Variants in XRCC5 observed in about 807,000 individuals in gnomAD.
XRCC5 encodes X-ray repair cross complementing 5.
XRCC5 carries 12 observed loss-of-function variants against 95.7 expected under a neutral mutation model. That is an observed-to-expected ratio of 0.13 (90% CI 0.08 to 0.20). XRCC5 has a LOEUF of 0.20. XRCC5 is among the 10% of genes least tolerant of loss of function. The pLI is 1.00. For synonymous variants in XRCC5, 281 were observed against 290.3 expected (o/e 0.97, Z 0.33); for missense variants, 595 against 873.9 (o/e 0.68, Z 4.02).
intron 12 of XRCC5, among the ~76,000 whole-genome samples, chr2:216,138,525 G>GAC (rs1697124723): frequency 1.3e-5 from 2 of 152,202 alleles, no homozygotes; most frequent in Non-Finnish European, 2.9e-5. Context: ...AGTGTTCTGT[G>GAC]TAAAGTCTGA....
intron 4 of XRCC5, 103 bp from the exon 5 acceptor site, chr2:216,118,940 A>G: frequency 1.6e-6 from 2 of 1,214,104 alleles, no homozygotes; most frequent in Admixed American, 2.0e-5. Context: ...TATTAACTCT[A>G]GATCCATTTC....
chr2:216,160,918 TC>T (rs1385379930), intron 15 of XRCC5, among the ~76,000 whole-genome samples: 1 of 152,036 alleles, frequency 6.6e-6, no homozygotes, highest in Non-Finnish European at 1.5e-5. Context: ...AGTATGTTAC[TC>T]CTGGGCTCAA....
At chr2:216,117,421 C>T (rs1009897457) in intron 3 of XRCC5, 3 of 299,550 alleles carry the variant, frequency 1.0e-5, no homozygotes, top group East Asian at 6.1e-5. Flanking sequence ...CATTATGGTT[C>T]GCTTCATATT....
At chr2:216,187,634 C>T (rs1689521289) in intron 16 of XRCC5, among the ~76,000 whole-genome samples, 1 of 151,802 alleles carries the variant, frequency 6.6e-6, no homozygotes. Flanking sequence ...CATGGGCTCC[C>T]AGCTCTTAGG....
At position 216,162,055 on chromosome 2, in the gene XRCC5, G is replaced by A. The variant is rs1559252239; in HGVS notation, c.1834+7G>A. 6.2e-7 allele frequency: 1 copy of A among 1,613,506 alleles called. No homozygotes were observed. Among genetic ancestry groups the A allele is most frequent in the South Asian group, 1.1e-5 (1 of 91,048 alleles). ...AAGGCCAGCTTTGAGGAAGGTGAGT[G>A]GTTGACTTTGCATTTAGGAGAAGCT... On this transcript the variant is annotated splice_region_variant and intron_variant, in intron 16 of 20. Transcript: ENST00000392132.
intron 13 of XRCC5, among the ~76,000 whole-genome samples, chr2:216,146,636 C>G (rs1688640999): frequency 6.6e-6 from 1 of 152,178 alleles, no homozygotes; most frequent in African/African-American, 2.4e-5. Context: ...TTAATGACAT[C>G]TAATCTTACT....
chr2:216,116,860 G>GA lies in XRCC5; in HGVS notation c.319+19dup, dbSNP rs772231462. 1.3e-5 allele frequency: 21 copies of GA among 1,609,884 alleles called. No homozygotes were observed. The highest frequency in any genetic ancestry group is 1.7e-5 in the Non-Finnish European group (20 of 1,177,206). On this transcript the variant is annotated intron_variant, in intron 3 of 20. Coordinates refer to ENST00000392132, the MANE Select transcript of XRCC5 (RefSeq NM_021141.4). Reference sequence around the variant, plus strand: ...GGCTGACTGTATCCTTTTTCTGCCAGAGAAGACTTTAAGAAATTTCCTTTA... The same window carrying GA: ...GGCTGACTGTATCCTTTTTCTGCCAGAAGAAGACTTTAAGAAATTTCCTTTA...
At chr2:216,147,966 A>C (rs1404530051) in intron 13 of XRCC5, 117 bp from the exon 14 acceptor site, 2 of 1,089,132 alleles carry the variant, frequency 1.8e-6, no homozygotes, top group Non-Finnish European at 2.7e-6. Context: ...TGTTTTTTAC[A>C]TGTGGTATGA....
At chr2:216,127,288 T>C (rs2106006959) in intron 7 of XRCC5, among the ~76,000 whole-genome samples, 1 of 152,288 alleles carries the variant, frequency 6.6e-6, no homozygotes, top group East Asian at 1.9e-4. Context: ...TGAGGTTTTG[T>C]ATAGAAAGTG....
At position 216,170,489 on chromosome 2, in the gene XRCC5, GGAGA is replaced by G. The variant is rs10585319; in HGVS notation, c.1834+8458_1834+8461del. On this transcript the variant is annotated intron_variant, in intron 16 of 20. Coordinates refer to ENST00000392132, the MANE Select transcript of XRCC5 (RefSeq NM_021141.4). ...ACTCCTGATACCAGTCTTCTATGAA[GGAGA>G]GAGAGAGAGAGAGAGACACTTTTAA... is the stretch of plus-strand genomic sequence containing the variant. 1.5e-4 allele frequency among the ~76,000 whole-genome samples: 23 copies of G among 150,518 alleles called. No homozygotes were observed. The East Asian group carries it at 2.5e-3, about 17-fold the overall frequency.
chr2:216,134,426 T>C (rs907730115), intron 10 of XRCC5, among the ~76,000 whole-genome samples: 1 of 151,378 alleles, frequency 6.6e-6, no homozygotes, highest in African/African-American at 2.4e-5. Flanking sequence ...CTTGTTTTTT[T>C]TTTTGTTTTT....
intron 16 of XRCC5, among the ~76,000 whole-genome samples, chr2:216,187,915 C>A (rs1245521556): frequency 6.7e-6 from 1 of 149,738 alleles, no homozygotes; most frequent in Non-Finnish European, 1.5e-5. Context: ...TTCTTAGCCT[C>A]CTTCTTCAGC....
chr2:216,115,547 T>G (rs1405048042), intron 2 of XRCC5, among the ~76,000 whole-genome samples: 1 of 152,150 alleles, frequency 6.6e-6, no homozygotes, highest in Non-Finnish European at 1.5e-5. Flanking sequence ...TGTTGTGTTG[T>G]TTACAGACTA....
chr2:216,152,992 C>T (rs1025791720), intron 14 of XRCC5, among the ~76,000 whole-genome samples: 17 of 152,122 alleles, frequency 1.1e-4, no homozygotes, highest in African/African-American at 4.1e-4. Context: ...TCATTTAACA[C>T]AAAATAGTCC....
chr2:216,192,360 G>A (rs145168856), intron 17 of XRCC5, among the ~76,000 whole-genome samples: 23 of 152,190 alleles, frequency 1.5e-4, no homozygotes, highest in African/African-American at 5.1e-4. Context: ...CTCTGTTTTT[G>A]TTTGGGATTT....
chr2:216,115,649 T>C lies in XRCC5; in HGVS notation c.136-1010T>C, dbSNP rs568697216. Among the ~76,000 whole-genome samples the C allele has an allele frequency of 3.4e-5, 5 of 148,854 alleles. No individual in the cohort carries two copies. In the East Asian group the frequency reaches 7.7e-4, roughly 23 times the overall value. On this transcript the variant is annotated intron_variant, in intron 2 of 20. Coordinates refer to ENST00000392132, the MANE Select transcript of XRCC5 (RefSeq NM_021141.4). ...TTCCCCATCAATGTAAAAAGGCTTA[T>C]GTTAATAATTAGACAGGACTGTCTT...
At chr2:216,192,826 A>C in intron 18 of XRCC5, 91 bp downstream of exon 18, 1 of 879,944 alleles carries the variant, frequency 1.1e-6, no homozygotes, top group East Asian at 3.0e-5. Flanking sequence ...CTAAATATAA[A>C]CTGTATTGTA....
chr2:216,184,613 G>C (rs1227229977), intron 16 of XRCC5, among the ~76,000 whole-genome samples: 1 of 152,156 alleles, frequency 6.6e-6, no homozygotes, highest in Non-Finnish European at 1.5e-5. Context: ...CTCCTGAGTA[G>C]CTGGGATTAC....
chr2:216,146,575 G>A lies in XRCC5; in HGVS notation c.1477-1508G>A, dbSNP rs74501037. On this transcript the variant is annotated intron_variant, in intron 13 of 20. Coordinates refer to ENST00000392132, the MANE Select transcript of XRCC5 (RefSeq NM_021141.4). ...CTTAATTTTGGAATTAATCTTCATC[G>A]AAGGAAGGAAAACATCAATAAACTG... is the stretch of plus-strand genomic sequence containing the variant. 8.3e-3 allele frequency among the ~76,000 whole-genome samples: 1,269 copies of A among 152,254 alleles called. 19 individuals are homozygous for A. Among genetic ancestry groups the A allele is most frequent in the African/African-American group, 0.03 (1,228 of 41,524 alleles).
Sources: allele counts gnomAD v4.1 joint callset (sites outside exome capture counted in the v4.1 genomes callset), GRCh38; gene constraint gnomAD v4.1.1; transcripts MANE v1.5; gene names NCBI Gene and HGNC (gene_info 2026-07-23, HGNC 2026-07-21).